The following MSRB3 variants were observed in gnomAD, a reference collection of about 807,000 sequenced individuals.
The protein encoded by MSRB3 is methionine sulfoxide reductase B3.
MSRB3 carries 13 observed loss-of-function variants against 21.0 expected under a neutral mutation model. That is an observed-to-expected ratio of 0.62 (90% CI 0.40 to 0.98). The LOEUF (loss-of-function observed/expected upper bound fraction) is 0.98, where lower values mean the gene tolerates loss of function less well. MSRB3 is among the 50% of genes least tolerant of loss of function. MSRB3 has a pLI of 0.00. For missense variants in MSRB3, 199 were observed against 230.3 expected (o/e 0.86, Z 0.88); for synonymous variants, 87 against 88.6 (o/e 0.98, Z 0.10).
At chr12:65,390,105 T>A (rs1237017028) in intron 5 of MSRB3, among the ~76,000 whole-genome samples, 1 of 152,226 alleles carries the variant, frequency 6.6e-6, no homozygotes, top group East Asian at 1.9e-4. Context: ...AGAGATGTCC[T>A]CTTTTCTAGT....
chr12:65,325,129 C>T (rs901451865), intron 2 of MSRB3, among the ~76,000 whole-genome samples: 1 of 152,198 alleles, frequency 6.6e-6, no homozygotes, highest in Non-Finnish European at 1.5e-5. Context: ...ACTCACCTAT[C>T]ACTGTTGACT....
Position 65,418,889 on chromosome 12 carries a change from C to T in MSRB3, c.293-34839C>T, listed in dbSNP as rs1007008439. 12 of 738,648 alleles carry T rather than the reference C, an allele frequency of 1.6e-5. No individual in the cohort carries two copies. The Admixed American group carries it at 1.7e-4, about 11-fold the overall frequency. The allele number at this position is 738,648 out of a possible 1,614,324, so 45.8% of individuals were successfully genotyped here. A position where few individuals can be genotyped will look rare whatever the true frequency, so the allele number is the denominator to read the frequency against. On this transcript the variant is annotated intron_variant, in intron 5 of 6. Transcript: ENST00000308259. ...GGCAGGCAGTGATACATGGCAATCT[C>T]AGCCTCCAGCTTGACCTTAATGTTC...
intron 5 of MSRB3, among the ~76,000 whole-genome samples, chr12:65,376,902 A>G (rs542376727): frequency 6.6e-6 from 1 of 152,324 alleles, no homozygotes; most frequent in Non-Finnish European, 1.5e-5. Context: ...TGAAGCAAGA[A>G]GTTGCTGCAA....
intron 5 of MSRB3, among the ~76,000 whole-genome samples, chr12:65,431,337 C>G (rs989151391): frequency 1.3e-5 from 2 of 151,964 alleles, no homozygotes; most frequent in Non-Finnish European, 2.9e-5. Context: ...TTAACCTCCT[C>G]CTGTCATGAC....
At chr12:65,412,992 C>T (rs149118015) in intron 5 of MSRB3, among the ~76,000 whole-genome samples, 1 of 152,302 alleles carries the variant, frequency 6.6e-6, no homozygotes, top group African/African-American at 2.4e-5. Context: ...CCCCACGATT[C>T]AGTTAACTCC....
intron 6 of MSRB3, among the ~76,000 whole-genome samples, chr12:65,462,375 T>C (rs570060336): frequency 1.7e-4 from 26 of 152,304 alleles, no homozygotes; most frequent in Admixed American, 1.6e-3. Flanking sequence ...TGGGCTTTAT[T>C]TCTCTCAAAC....
chr12:65,374,355 G>A (rs1474555611), intron 5 of MSRB3, among the ~76,000 whole-genome samples: 1 of 152,186 alleles, frequency 6.6e-6, no homozygotes, highest in East Asian at 1.9e-4. Flanking sequence ...TATGCCAGAT[G>A]TTGAGGTTAT....
chr12:65,420,688 C>T (rs1269867128), intron 5 of MSRB3, among the ~76,000 whole-genome samples: 1 of 152,070 alleles, frequency 6.6e-6, no homozygotes. Context: ...TTCTTGTGTT[C>T]TCATCATTTA....
chr12:65,395,877 A>G (rs556242837), intron 5 of MSRB3, among the ~76,000 whole-genome samples: 1 of 152,196 alleles, frequency 6.6e-6, no homozygotes, highest in African/African-American at 2.4e-5. Flanking sequence ...TGGTTTTACT[A>G]ATTTCTCCTT....
At chr12:65,355,034 G>A (rs962901755) in intron 4 of MSRB3, among the ~76,000 whole-genome samples, 5 of 151,784 alleles carry the variant, frequency 3.3e-5, no homozygotes, top group African/African-American at 9.7e-5. Flanking sequence ...CTGAAAAAAG[G>A]TGTAAAGAGA....
In MSRB3 at chr12:65,278,719, G is replaced by A. The variant is rs369771746; in HGVS notation, c.-198G>A. ...CGCCCCGTCCGTCGCCCGGAGCCGG[G>A]GAGGGAGGGAGCGAGGTTCGGACAC... On this transcript the variant is annotated 5_prime_UTR_variant, in exon 1 of 7. Transcript: ENST00000308259. 7.6e-5 allele frequency: 115 copies of A among 1,504,824 alleles called. No homozygotes were observed. The highest frequency in any genetic ancestry group is 1.0e-4 in the Non-Finnish European group (113 of 1,106,204). The allele number at this position is 1,504,824 out of a possible 1,614,324, so 93.2% of individuals were successfully genotyped here.
intron 4 of MSRB3, among the ~76,000 whole-genome samples, chr12:65,359,087 T>A (rs1440430638): frequency 1.3e-5 from 2 of 152,036 alleles, no homozygotes; most frequent in Non-Finnish European, 2.9e-5. Flanking sequence ...ATGATCAATT[T>A]TATAACTTAT....
chr12:65,455,482 G>C (rs1883046587), intron 6 of MSRB3, among the ~76,000 whole-genome samples: 1 of 152,120 alleles, frequency 6.6e-6, no homozygotes, highest in Non-Finnish European at 1.5e-5. Flanking sequence ...AAGCTCCTCT[G>C]GTTAGTGCTC....
At chr12:65,432,905 A>G (rs1881950728) in intron 5 of MSRB3, among the ~76,000 whole-genome samples, 1 of 151,970 alleles carries the variant, frequency 6.6e-6, no homozygotes, top group Non-Finnish European at 1.5e-5. Flanking sequence ...GGGATTTGTG[A>G]ATTTGTCAGT....
intron 5 of MSRB3, among the ~76,000 whole-genome samples, chr12:65,417,136 T>A (rs1273242635): frequency 6.6e-6 from 1 of 152,204 alleles, no homozygotes; most frequent in Non-Finnish European, 1.5e-5. Flanking sequence ...AACTATAAGA[T>A]CATGGTTTAT....
intron 2 of MSRB3, among the ~76,000 whole-genome samples, chr12:65,321,437 C>G (rs1233326487): frequency 1.3e-5 from 2 of 152,086 alleles, no homozygotes; most frequent in Non-Finnish European, 2.9e-5. Context: ...AAAGTAAACC[C>G]TGCAGCTCTA....
At chr12:65,346,602 T>G (rs568078567) in intron 4 of MSRB3, among the ~76,000 whole-genome samples, 13,793 of 152,006 alleles carry the variant, frequency 0.091, 2,110 homozygotes, top group African/African-American at 0.32. Flanking sequence ...AGATCCCATT[T>G]GTCAATTTTG....
intron 5 of MSRB3, among the ~76,000 whole-genome samples, chr12:65,374,079 T>C (rs574509811): frequency 6.6e-6 from 1 of 152,334 alleles, no homozygotes; most frequent in Non-Finnish European, 1.5e-5. Context: ...TAGTAAACTT[T>C]CCTCAAGAAC....
At chr12:65,428,704 G>T (rs978147560) in intron 5 of MSRB3, among the ~76,000 whole-genome samples, 11 of 152,046 alleles carry the variant, frequency 7.2e-5, no homozygotes, top group Non-Finnish European at 1.6e-4. Context: ...CCCTCCCTTT[G>T]CATGCAATCA....
Sources: gnomAD v4.1 joint callset for allele counts (sites outside exome capture counted in the v4.1 genomes callset) on GRCh38, gnomAD v4.1.1 for gene constraint, MANE v1.5 for transcripts, NCBI Gene and HGNC (gene_info 2026-07-23, HGNC 2026-07-21) for gene names.